FAF1: variants seen among roughly 807,000 people sequenced by gnomAD.
FAF1 encodes the protein FAS-associated factor 1.
Under a neutral mutation model 92.5 loss-of-function variants are expected in FAF1, and 25 were observed. The observed-to-expected ratio is 0.27, with a 90% CI of 0.20 to 0.38. The LOEUF (loss-of-function observed/expected upper bound fraction) is 0.38, where lower values mean the gene tolerates loss of function less well. Among genes scored for constraint, FAF1 ranks in the 10% least tolerant of loss-of-function variants. The pLI, the probability that FAF1 is intolerant of heterozygous loss-of-function variation, is 1.00. For synonymous variants in FAF1, 234 were observed against 273.2 expected (o/e 0.86, Z 1.42); for missense variants, 636 against 793.3 (o/e 0.80, Z 2.38).
chr1:50,793,531 C>T (rs1463218713), intron 3 of FAF1, among the ~76,000 whole-genome samples: 3 of 152,148 alleles, frequency 2.0e-5, no homozygotes, highest in African/African-American at 7.2e-5. Context: ...AAAACACACT[C>T]GGTAACTGGT....
At chr1:50,707,566 G>C (rs554731769) in intron 6 of FAF1, among the ~76,000 whole-genome samples, 1 of 151,488 alleles carries the variant, frequency 6.6e-6, no homozygotes, top group East Asian at 2.0e-4. Context: ...GCTGGGCGTC[G>C]TGCTGGGCTC....
At chr1:50,465,936 G>A (rs985265913) in intron 18 of FAF1, among the ~76,000 whole-genome samples, 1 of 152,048 alleles carries the variant, frequency 6.6e-6, no homozygotes, top group Non-Finnish European at 1.5e-5. Context: ...AGTGGGAGAG[G>A]GGTCAGAGAA....
At chr1:50,898,986 G>A (rs1054084316) in intron 1 of FAF1, among the ~76,000 whole-genome samples, 4 of 151,920 alleles carry the variant, frequency 2.6e-5, no homozygotes, top group Non-Finnish European at 4.4e-5. Flanking sequence ...CCAATTACAC[G>A]TTTTTTAGAC....
chr1:50,659,973 T>C (rs936676541), intron 7 of FAF1, among the ~76,000 whole-genome samples: 1 of 152,204 alleles, frequency 6.6e-6, no homozygotes, highest in East Asian at 1.9e-4. Context: ...CTATAATTAA[T>C]GTGAAAAACT....
At chr1:50,795,674 A>G (rs1431187855) in intron 3 of FAF1, among the ~76,000 whole-genome samples, 1 of 152,224 alleles carries the variant, frequency 6.6e-6, no homozygotes, top group African/African-American at 2.4e-5. Flanking sequence ...GATTCCTCTT[A>G]CATGCCTAAC....
intron 4 of FAF1, among the ~76,000 whole-genome samples, chr1:50,774,885 A>C (rs569348107): frequency 6.6e-6 from 1 of 152,226 alleles, no homozygotes; most frequent in East Asian, 1.9e-4. Context: ...CAGAATTCAG[A>C]AGGTTTTGGG....
intron 1 of FAF1, among the ~76,000 whole-genome samples, chr1:50,909,809 G>C (rs1042228842): frequency 6.6e-6 from 1 of 152,076 alleles, no homozygotes; most frequent in Non-Finnish European, 1.5e-5. Flanking sequence ...GCTTCTTTGC[G>C]ATGGGTTTGA....
chr1:50,882,648 A>ATGTG (rs1183991590), intron 1 of FAF1, among the ~76,000 whole-genome samples: 1 of 144,318 alleles, frequency 6.9e-6, no homozygotes, highest in Non-Finnish European at 1.5e-5. Context: ...AAATAAATAA[A>ATGTG]TGTGTATGTA....
intron 1 of FAF1, among the ~76,000 whole-genome samples, chr1:50,926,221 T>TAAAA (rs1645005235): frequency 6.6e-6 from 1 of 151,906 alleles, no homozygotes; most frequent in Admixed American, 6.6e-5. Flanking sequence ...TCTCTAAACA[T>TAAAA]AAAAAACAAA....
At chr1:50,716,246 G>A (rs1658167241) in intron 6 of FAF1, among the ~76,000 whole-genome samples, 1 of 152,122 alleles carries the variant, frequency 6.6e-6, no homozygotes, top group Non-Finnish European at 1.5e-5. Context: ...AATAATCACA[G>A]TAATTTAAGG....
intron 1 of FAF1, among the ~76,000 whole-genome samples, chr1:50,864,969 A>C (rs1207670323): frequency 2.6e-5 from 4 of 152,154 alleles, no homozygotes; most frequent in Non-Finnish European, 5.9e-5. Context: ...TCCAGAATCT[A>C]CAATGAACTC....
Position 50,705,689 on chromosome 1 carries a change from A to C in FAF1, c.657+97T>G, listed in dbSNP as rs938643255. 4 of 605,392 alleles carry C rather than the reference A, an allele frequency of 6.6e-6. No individual in the cohort carries two copies. In the African/African-American group the frequency reaches 7.3e-5, roughly 11 times the overall value. 37.5% of individuals were successfully genotyped at this position (605,392 alleles called of 1,614,324 possible). A position where few individuals can be genotyped will look rare whatever the true frequency, so the allele number is the denominator to read the frequency against. On this transcript the variant is annotated intron_variant, in intron 7 of 18. Transcript: ENST00000396153. ...TTAAGAACCCAATAATGAAACATAA[A>C]GAGAATTTCCAACCAGAACAGATAA...
intron 4 of FAF1, among the ~76,000 whole-genome samples, chr1:50,755,896 C>G (rs1328904702): frequency 6.6e-6 from 1 of 152,202 alleles, no homozygotes; most frequent in Non-Finnish European, 1.5e-5. Flanking sequence ...ATGCAAGGCA[C>G]CAAGTCCCTA....
intron 9 of FAF1, 51 bp downstream of exon 9, chr1:50,596,070 T>G: frequency 8.5e-7 from 1 of 1,179,346 alleles, no homozygotes; most frequent in East Asian, 2.3e-5. Context: ...AGTGCGCAGG[T>G]AGGTGGGGGA....
At chr1:50,561,486 A>G (rs1649896869) in intron 13 of FAF1, among the ~76,000 whole-genome samples, 1 of 152,132 alleles carries the variant, frequency 6.6e-6, no homozygotes, top group Non-Finnish European at 1.5e-5. Context: ...CTATTTTTCA[A>G]TAAGCCTATT....
intron 2 of FAF1, among the ~76,000 whole-genome samples, chr1:50,833,123 A>T (rs1644169555): frequency 1.3e-5 from 2 of 151,960 alleles, no homozygotes. Flanking sequence ...GACACTAACT[A>T]CCCAGAGTTA....
At chr1:50,668,541 C>T (rs1340285966) in intron 7 of FAF1, among the ~76,000 whole-genome samples, 1 of 152,210 alleles carries the variant, frequency 6.6e-6, no homozygotes, top group Non-Finnish European at 1.5e-5. Flanking sequence ...CAAAATTACA[C>T]ACCTAGTTAA....
chr1:50,833,807 T>A (rs570641484), intron 2 of FAF1, among the ~76,000 whole-genome samples: 1 of 152,320 alleles, frequency 6.6e-6, no homozygotes, highest in East Asian at 1.9e-4. Flanking sequence ...AGACCAGATA[T>A]CTTTCTGTGA....
At chr1:50,904,617 A>G (rs1218491590) in intron 1 of FAF1, among the ~76,000 whole-genome samples, 1 of 152,164 alleles carries the variant, frequency 6.6e-6, no homozygotes, top group Non-Finnish European at 1.5e-5. Flanking sequence ...TTTCCTACCT[A>G]TGTCATCAAA....
Sources: gnomAD v4.1 joint callset for allele counts (sites outside exome capture counted in the v4.1 genomes callset) on GRCh38, gnomAD v4.1.1 for gene constraint, MANE v1.5 for transcripts, NCBI Gene and HGNC (gene_info 2026-07-23, HGNC 2026-07-21) for gene names.